DNAJC6: variants seen among roughly 807,000 people sequenced by gnomAD.
The protein encoded by DNAJC6 is auxilin.
A neutral mutation model predicts 110.0 loss-of-function variants in DNAJC6; 34 were observed. That is an observed-to-expected ratio of 0.31 (90% CI 0.24 to 0.41). The LOEUF (loss-of-function observed/expected upper bound fraction) is 0.41. DNAJC6 is among the 10% of genes least tolerant of loss of function. The pLI is 1.00. For missense variants in DNAJC6, 1,031 were observed against 1,207.8 expected, an observed-to-expected ratio of 0.85 and a Z score of 2.17; for synonymous variants, 406 against 437.2, an observed-to-expected ratio of 0.93 and a Z score of 0.89.
Position 65,414,736 on chromosome 1 carries a change from G to A in DNAJC6, c.*1711G>A, listed in dbSNP as rs984857694. 3 of 152,566 alleles carry A rather than the reference G, an allele frequency of 2.0e-5. No homozygotes were observed. Among genetic ancestry groups the A allele is most frequent in the African/African-American group, 4.8e-5 (2 of 41,432 alleles). 9.5% of individuals were successfully genotyped at this position (152,566 alleles called of 1,614,324 possible). A position where few individuals can be genotyped will look rare whatever the true frequency, so the allele number is the denominator to read the frequency against. The stretch of plus-strand genomic sequence containing the variant: ...AACAAACTAGGTGTTATTTATTAAC[G>A]TATTATAAAATAATGTTTGATCCAG... On this transcript the variant is annotated 3_prime_UTR_variant, in exon 19 of 19. Coordinates refer to ENST00000371069, the MANE Select transcript of DNAJC6 (RefSeq NM_001256864.2).
intron 15 of DNAJC6, among the ~76,000 whole-genome samples, chr1:65,404,423 G>GA (rs1553148172): frequency 6.6e-6 from 1 of 152,034 alleles, no homozygotes; most frequent in African/African-American, 2.4e-5. Flanking sequence ...AAAGGAGTGA[G>GA]TTTTTTTTAC....
At chr1:65,273,282 T>G (rs1653563767) in intron 1 of DNAJC6, among the ~76,000 whole-genome samples, 1 of 152,242 alleles carries the variant, frequency 6.6e-6, no homozygotes, top group Admixed American at 6.5e-5. Flanking sequence ...AAAAAATATT[T>G]TCATTTAAGG....
At chr1:65,300,055 A>G (rs976023937) in intron 1 of DNAJC6, among the ~76,000 whole-genome samples, 11 of 151,408 alleles carry the variant, frequency 7.3e-5, no homozygotes. Context: ...AAAAAAAAAA[A>G]AAAAAAAAGA....
At chr1:65,264,749 A>G (rs1653257400) in exon 1 of DNAJC6, 1 of 1,440,392 alleles carries the variant, frequency 6.9e-7, no homozygotes, top group Non-Finnish European at 9.1e-7. Context: ...GCAAAATTAT[A>G]ACCCCGCACA....
At chr1:65,331,442 G>T (rs1453525054) in intron 1 of DNAJC6, among the ~76,000 whole-genome samples, 3 of 152,150 alleles carry the variant, frequency 2.0e-5, no homozygotes, top group African/African-American at 4.8e-5. Context: ...ATCCTAGGGG[G>T]CAGGTATGAT....
At chr1:65,394,285 G>A (rs541086096) in intron 12 of DNAJC6, among the ~76,000 whole-genome samples, 2 of 152,188 alleles carry the variant, frequency 1.3e-5, no homozygotes, top group Admixed American at 1.3e-4. Flanking sequence ...ACCTGTCTGA[G>A]GATACCCACT....
rs761922985 is a variant in DNAJC6, at chr1:65,392,839, C to A, written c.1877C>A (p.Ala626Glu). 1.3e-6 allele frequency: 2 copies of A among 1,537,004 alleles called. No homozygotes were observed. Among genetic ancestry groups the A allele is most frequent in the Non-Finnish European group, 1.7e-6 (2 of 1,143,846 alleles). ...TPRRSATSTS[A>E]SPTLRVGEGA... ...CGCCGCTCTGCCACCTCCACCTCTG[C>A]GTCTCCAACCCTAAGAGTGGGAGAA... The change falls in exon 12 of 19, where the codon GCG becomes GAG. Residue 626 changes from alanine (A) to glutamate (E), a missense_variant. Physicochemically the swap from Ala to Glu is moderately radical, Grantham distance 107. Transcript: ENST00000371069.
intron 1 of DNAJC6, among the ~76,000 whole-genome samples, chr1:65,326,554 G>T (rs186365756): frequency 4.7e-4 from 72 of 152,324 alleles, no homozygotes; most frequent in Non-Finnish European, 5.3e-4. Flanking sequence ...ACCAAAGGAA[G>T]GTAGTTGTCA....
chr1:65,395,078 C>T, intron 13 of DNAJC6, 46 bp downstream of exon 13: 1 of 1,533,702 alleles, frequency 6.5e-7, no homozygotes, highest in South Asian at 1.3e-5. Flanking sequence ...TAGTTTTCTG[C>T]AAGATATCAG....
intron 1 of DNAJC6, among the ~76,000 whole-genome samples, chr1:65,318,937 G>A (rs1035200255): frequency 6.6e-6 from 1 of 152,118 alleles, no homozygotes; most frequent in African/African-American, 2.4e-5. Context: ...GAAGGGGAGG[G>A]GTGTGTTGGA....
intron 4 of DNAJC6, among the ~76,000 whole-genome samples, chr1:65,367,135 G>A (rs971060943): frequency 3.9e-5 from 6 of 152,030 alleles, no homozygotes; most frequent in South Asian, 2.1e-4. Context: ...CTTTTTCAGC[G>A]TATTCTGAGA....
chr1:65,306,110 C>T (rs997478704), upstream of DNAJC6, among the ~76,000 whole-genome samples: 5 of 148,170 alleles, frequency 3.4e-5, no homozygotes, highest in Admixed American at 3.4e-4. Context: ...CAGAGTCTCG[C>T]TTTGTTGGCT....
chr1:65,332,787 C>T (rs12096394), intron 1 of DNAJC6, among the ~76,000 whole-genome samples: 8,668 of 152,186 alleles, frequency 0.057, 299 homozygotes, highest in Non-Finnish European at 0.079. Context: ...CATAAGATAC[C>T]AGTGCTGTTT....
intron 13 of DNAJC6, among the ~76,000 whole-genome samples, chr1:65,396,779 C>T (rs1226986220): frequency 6.6e-6 from 1 of 152,104 alleles, no homozygotes; most frequent in Non-Finnish European, 1.5e-5. Flanking sequence ...TTGTTTTGTT[C>T]ATTAATGCAT....
intron 6 of DNAJC6, 131 bp downstream of exon 6, chr1:65,384,457 G>T: frequency 1.1e-6 from 1 of 921,250 alleles, no homozygotes; most frequent in African/African-American, 1.7e-5. Flanking sequence ...TTTTAATATT[G>T]CTATGAAGAA....
chr1:65,289,414 C>T (rs1654125843), intron 1 of DNAJC6, among the ~76,000 whole-genome samples: 1 of 152,106 alleles, frequency 6.6e-6, no homozygotes, highest in South Asian at 2.1e-4. Context: ...CCAAGCTGGT[C>T]TTGATCTCCT....
At chr1:65,389,176 C>T (rs559582492) in intron 9 of DNAJC6, 80 bp from the exon 10 acceptor site, 1 of 1,315,790 alleles carries the variant, frequency 7.6e-7, no homozygotes, top group South Asian at 1.4e-5. Context: ...TAAGAGTCAA[C>T]CTAAGATGAC....
chr1:65,364,457 T>C (rs1645626118), intron 1 of DNAJC6, among the ~76,000 whole-genome samples, 178 bp from the exon 2 acceptor site: 1 of 152,078 alleles, frequency 6.6e-6, no homozygotes, highest in African/African-American at 2.4e-5. Flanking sequence ...TGAGGACCAG[T>C]AGCAATGCTA....
At chr1:65,398,716 C>A in intron 13 of DNAJC6, 97 bp from the exon 14 acceptor site, 2 of 1,251,546 alleles carry the variant, frequency 1.6e-6, no homozygotes, top group Non-Finnish European at 2.3e-6. Flanking sequence ...TGGGGCCATG[C>A]AGGCTTCAGG....
Sources: gnomAD v4.1 joint callset for allele counts (sites outside exome capture counted in the v4.1 genomes callset) on GRCh38, gnomAD v4.1.1 for gene constraint, MANE v1.5 for transcripts, NCBI Gene and HGNC (gene_info 2026-07-23, HGNC 2026-07-21) for gene names.